Variants in RBFOX1 observed in about 807,000 individuals in gnomAD.
The protein encoded by RBFOX1 is RNA binding protein fox-1 homolog 1.
Under a neutral mutation model 57.7 loss-of-function variants are expected in RBFOX1, and 8 were observed. The ratio of observed to expected loss-of-function variants is 0.14; its 90% CI spans 0.08 to 0.25. The LOEUF (loss-of-function observed/expected upper bound fraction) is 0.25, where lower values mean the gene tolerates loss of function less well. Among genes scored for constraint, RBFOX1 ranks in the 10% least tolerant of loss-of-function variants. The probability of loss-of-function intolerance (pLI) is 1.00; values close to 1 mark genes in which losing one functional copy is unlikely to be tolerated. For missense variants in RBFOX1, 611 were observed against 548.5 expected (o/e 1.11, Z -1.14); for synonymous variants, 326 against 222.4 (o/e 1.47, Z -4.15).
intron 4 of RBFOX1, among the ~76,000 whole-genome samples, chr16:7,449,839 C>A (rs560333395): frequency 1.3e-5 from 2 of 150,624 alleles, no homozygotes; most frequent in African/African-American, 4.9e-5. Flanking sequence ...GTAAAGTGTT[C>A]TTCCCATGAG....
intron 2 of RBFOX1, among the ~76,000 whole-genome samples, chr16:6,457,942 A>G (rs2094817072): frequency 6.6e-6 from 1 of 151,972 alleles, no homozygotes; most frequent in Non-Finnish European, 1.5e-5. Context: ...CAGGGGTGAC[A>G]TGGTGGTCAC....
intron 1 of RBFOX1, among the ~76,000 whole-genome samples, chr16:6,265,981 A>G (rs1437330260): frequency 6.6e-6 from 1 of 152,178 alleles, no homozygotes; most frequent in East Asian, 1.9e-4. Context: ...CTTACTAAAC[A>G]TTCTGGCTTC....
chr16:7,392,850 G>C (rs531823248), intron 4 of RBFOX1, among the ~76,000 whole-genome samples: 1 of 120,188 alleles, frequency 8.3e-6, no homozygotes, highest in East Asian at 3.1e-4. Flanking sequence ...TTTTGGTTTG[G>C]TTTGGTTTGT....
chr16:6,233,006 C>G (rs2097476685), intron 1 of RBFOX1, among the ~76,000 whole-genome samples: 1 of 152,078 alleles, frequency 6.6e-6, no homozygotes, highest in Admixed American at 6.5e-5. Context: ...AGCGCCATTC[C>G]CATTGAATTC....
At chr16:6,467,545 T>C (rs2095077816) in intron 2 of RBFOX1, among the ~76,000 whole-genome samples, 1 of 152,142 alleles carries the variant, frequency 6.6e-6, no homozygotes, top group Non-Finnish European at 1.5e-5. Context: ...AGCTGTAGAA[T>C]AAAGAGAGCT....
chr16:6,979,480 C>A (rs549953998), intron 3 of RBFOX1, among the ~76,000 whole-genome samples: 1 of 152,154 alleles, frequency 6.6e-6, no homozygotes, highest in Non-Finnish European at 1.5e-5. Flanking sequence ...TCCCCCAGTA[C>A]CTTTCTATTG....
intron 3 of RBFOX1, among the ~76,000 whole-genome samples, chr16:6,860,088 G>A (rs1415425653): frequency 1.3e-5 from 2 of 152,162 alleles, no homozygotes; most frequent in Non-Finnish European, 2.9e-5. Flanking sequence ...TTGGAATTGT[G>A]TACTATTTTT....
At chr16:7,202,340 A>C (rs1278491938) in intron 4 of RBFOX1, among the ~76,000 whole-genome samples, 1 of 151,848 alleles carries the variant, frequency 6.6e-6, no homozygotes, top group Non-Finnish European at 1.5e-5. Context: ...CGTGTTGATA[A>C]GGATGTGGAA....
chr16:6,883,337 G>A (rs528734563), intron 3 of RBFOX1, among the ~76,000 whole-genome samples: 24 of 152,188 alleles, frequency 1.6e-4, no homozygotes, highest in Non-Finnish European at 3.1e-4. Context: ...AGTTAATAAG[G>A]CAGATCTGTT....
intron 5 of RBFOX1, among the ~76,000 whole-genome samples, chr16:7,545,307 G>A (rs1388270292): frequency 6.9e-6 from 1 of 145,264 alleles, no homozygotes; most frequent in Admixed American, 6.8e-5. Flanking sequence ...GAGAGGCAGG[G>A]TGCGGGTCAT....
intron 14 of RBFOX1, chr16:7,693,416 CT>C (rs60812796): frequency 0.067 from 51,406 of 772,786 alleles, 2 homozygotes; most frequent in Middle Eastern, 0.13. Flanking sequence ...TCTCAGTATC[CT>C]TTTTTTTTTT....
intron 1 of RBFOX1, among the ~76,000 whole-genome samples, chr16:5,430,017 C>G (rs74007415): frequency 0.011 from 1,602 of 152,274 alleles, 27 homozygotes; most frequent in African/African-American, 0.036. Flanking sequence ...AAGAACTTTG[C>G]AAAAGGAGTT....
intron 1 of RBFOX1, among the ~76,000 whole-genome samples, chr16:6,096,460 C>T (rs551173800): frequency 1.3e-5 from 2 of 152,178 alleles, no homozygotes; most frequent in South Asian, 4.2e-4. Context: ...CTGCTGATGC[C>T]CTGCATATCC....
intron 3 of RBFOX1, among the ~76,000 whole-genome samples, chr16:6,851,754 C>T (rs1567556674): frequency 6.6e-6 from 1 of 152,008 alleles, no homozygotes; most frequent in Non-Finnish European, 1.5e-5. Context: ...GACTGGAACT[C>T]ACAGGCAGAA....
At chr16:6,362,783 G>A (rs1427941736) in intron 2 of RBFOX1, among the ~76,000 whole-genome samples, 3 of 152,150 alleles carry the variant, frequency 2.0e-5, no homozygotes, top group Non-Finnish European at 2.9e-5. Flanking sequence ...GAATTTTGCC[G>A]TTATAGCCAA....
chr16:6,976,592 G>C (rs902201421), intron 3 of RBFOX1, among the ~76,000 whole-genome samples: 12 of 151,702 alleles, frequency 7.9e-5, no homozygotes, highest in African/African-American at 2.7e-4. Flanking sequence ...CTACTTCATA[G>C]ACAGAGTAGG....
intron 3 of RBFOX1, among the ~76,000 whole-genome samples, chr16:6,883,875 T>C (rs530143649): frequency 6.6e-6 from 1 of 152,106 alleles, no homozygotes; most frequent in African/African-American, 2.4e-5. Context: ...AAATGTTAAA[T>C]GTTTTTAATA....
At chr16:7,680,374 A>T (rs2074421173) in intron 14 of RBFOX1, among the ~76,000 whole-genome samples, 2 of 152,210 alleles carry the variant, frequency 1.3e-5, no homozygotes, top group Admixed American at 6.5e-5. Context: ...ATCTCCCCAG[A>T]CAGACAGACA....
chr16:6,354,058 A>G (rs1156478002), intron 2 of RBFOX1, among the ~76,000 whole-genome samples: 1 of 152,134 alleles, frequency 6.6e-6, no homozygotes, highest in Non-Finnish European at 1.5e-5. Context: ...CGTCTCTACC[A>G]AAAATACAAA....
Sources: gnomAD v4.1 joint callset for allele counts (sites outside exome capture counted in the v4.1 genomes callset) on GRCh38, gnomAD v4.1.1 for gene constraint, MANE v1.5 for transcripts, NCBI Gene and HGNC (gene_info 2026-07-23, HGNC 2026-07-21) for gene names.